Variants in ALYREF observed in about 807,000 individuals in gnomAD.
The protein encoded by ALYREF is Aly/REF export factor.
In ALYREF, 1 loss-of-function variant was observed where a neutral mutation model predicts 25.2. That is an observed-to-expected ratio of 0.04 (90% CI 0.01 to 0.19). ALYREF has a LOEUF of 0.19. ALYREF is among the 10% of genes least tolerant of loss of function. ALYREF has a pLI of 1.00. For synonymous variants in ALYREF, 193 were observed against 153.5 expected (o/e 1.26, Z -1.90); for missense variants, 328 against 375.6 (o/e 0.87, Z 1.05).
rs908388180 is a variant in ALYREF at position 81,887,961 on chromosome 17, A to G, written c.*170T>C. The stretch of plus-strand genomic sequence containing the variant: ...CAAAACAGGTCTGTTTCAGAATTAA[A>G]AAAAAAAAAAAAGAAAAAAAAAAAA... On this transcript the variant is annotated 3_prime_UTR_variant, in exon 6 of 6. Coordinates refer to ENST00000505490, the MANE Select transcript of ALYREF (RefSeq NM_005782.4). 4.1e-6 allele frequency: 3 copies of G among 733,368 alleles called. No homozygotes were observed. Among genetic ancestry groups the G allele is most frequent in the Non-Finnish European group, 6.0e-6 (3 of 500,044 alleles). The allele number at this position is 733,368 out of a possible 1,614,324, so 45.4% of individuals were successfully genotyped here. A position where few individuals can be genotyped will look rare whatever the true frequency, so the allele number is the denominator to read the frequency against.
chr17:81,888,906 A>G lies in ALYREF; in HGVS notation c.538+276T>C. 7.1e-7 allele frequency: 1 copy of G among 1,410,020 alleles called. No homozygotes were observed. Among genetic ancestry groups the G allele is most frequent in the Non-Finnish European group, 9.2e-7 (1 of 1,083,974 alleles). The allele number at this position is 1,410,020 out of a possible 1,614,324, so 87.3% of individuals were successfully genotyped here. ...TCTTTACGACTACAGCCCCGCACTCAGAGGTGTACTATGGCGGTTCTGAGA... is the reference window on the plus strand; with the variant it reads ...TCTTTACGACTACAGCCCCGCACTCGGAGGTGTACTATGGCGGTTCTGAGA... On this transcript the variant is annotated intron_variant, in intron 3 of 5. Coordinates refer to ENST00000505490, the MANE Select transcript of ALYREF (RefSeq NM_005782.4). This position sits in a 1 kb window ranked among gnomAD's most constrained non-coding sequence, Gnocchi z 5.8.
At chr17:81,890,980 A>G in intron 1 of ALYREF, 160 bp from the exon 2 acceptor site, 1 of 1,110,014 alleles carries the variant, frequency 9.0e-7, no homozygotes, top group Non-Finnish European at 1.3e-6. Flanking sequence ...CCCCAGCCCG[A>G]GGCCGCACGG....
chr17:81,889,937 C>CA (rs2039483637), intron 2 of ALYREF: 1 of 153,492 alleles, frequency 6.5e-6, no homozygotes, highest in Non-Finnish European at 1.5e-5. Flanking sequence ...TGGAGTTCAC[C>CA]AAAAGCGGTT....
In ALYREF at chr17:81,888,322, T is replaced by C. The variant is rs758207101; in HGVS notation, c.699A>G (p.Arg233=). Residue 233 remains arginine, a synonymous_variant, in exon 5 of 6, where the codon AGA becomes AGG. Transcript: ENST00000505490. This position sits in a 1 kb window ranked among gnomAD's most constrained non-coding sequence, Gnocchi z 5.8. ...RRGTRGGARG[R]GRGAGRNSKQ... ...TTGAATTCCTGCCGGCACCTCTGCC[T>C]CTTCCACGGGCGCCTCCGCGGGTGC... is the stretch of plus-strand genomic sequence containing the variant. 7.2e-5 allele frequency: 115 copies of C among 1,606,928 alleles called. No individual in the cohort carries two copies. The highest frequency in any genetic ancestry group is 9.1e-5 in the Non-Finnish European group (107 of 1,179,286).
rs1207660534 is a variant in ALYREF, at chr17:81,888,396, T to C, written c.625A>G (p.Arg209Gly). The change falls in exon 5 of 6, where the codon AGA (arginine) becomes GGA (glycine). Residue 209 changes from arginine to glycine, a missense_variant. By Grantham distance (125) the Arg-to-Gly change is moderately radical (BLOSUM62 -2). Around this residue, in one of 3 missense-constraint regions of ALYREF, gnomAD observed 108 missense variants for 110.5 expected, o/e 0.98. Transcript: ENST00000505490. The surrounding 1 kb of genome is among the most constrained non-coding windows in gnomAD (Gnocchi z 5.8). The stretch of plus-strand genomic sequence containing the variant: ...CCAAAACCTCCAGCGCCACGGTTTC[T>C]AGTCATGCCACCTCTGTTTACGCTA... The part of the protein sequence containing the change: ...AQSVNRGGMT[R>G]NRGAGGFGGG... 4 of 1,600,504 alleles carry C rather than the reference T, an allele frequency of 2.5e-6. No homozygotes were observed. Among genetic ancestry groups the C allele is most frequent in the Non-Finnish European group, 3.4e-6 (4 of 1,174,600 alleles).
At chr17:81,890,265 G>A (rs560875964) in intron 2 of ALYREF, among the ~76,000 whole-genome samples, 1 of 152,110 alleles carries the variant, frequency 6.6e-6, no homozygotes, top group African/African-American at 2.4e-5. Flanking sequence ...AGTACTCAAG[G>A]CAAACAGAGC....
chr17:81,891,005 CACA>C (rs1188891620), intron 1 of ALYREF, 185 bp from the exon 2 acceptor site: 8 of 905,082 alleles, frequency 8.8e-6, no homozygotes, highest in Non-Finnish European at 1.3e-5. Context: ...ACCGCGGCCG[CACA>C]ACTTCAGTTC....
Position 81,887,992 on chromosome 17 carries a change from A to T in ALYREF, c.*139T>A, listed in dbSNP as rs1276012356. ...AAAAAAAGAAAAAAAAAAAACCTTTACATGAGTTTTTAAATCCTATTTTAA... is the reference window on the plus strand; with the variant it reads ...AAAAAAAGAAAAAAAAAAAACCTTTTCATGAGTTTTTAAATCCTATTTTAA... On this transcript the variant is annotated 3_prime_UTR_variant, in exon 6 of 6. Coordinates refer to ENST00000505490, the MANE Select transcript of ALYREF (RefSeq NM_005782.4). 1 of 971,612 alleles carries T rather than the reference A, an allele frequency of 1.0e-6. No homozygotes were observed. The highest frequency in any genetic ancestry group is 1.5e-6 in the Non-Finnish European group (1 of 688,684). The allele number at this position is 971,612 out of a possible 1,614,324, so 60.2% of individuals were successfully genotyped here. A position where few individuals can be genotyped will look rare whatever the true frequency, so the allele number is the denominator to read the frequency against.
chr17:81,891,495 C>G lies in ALYREF; in HGVS notation c.86G>C (p.Gly29Ala). Residue 29 changes from glycine (G) to alanine (A), a missense_variant, in exon 1 of 6, where the codon GGC becomes GCC. Physicochemically the swap from Gly to Ala is moderately conservative, Grantham distance 60 (BLOSUM62 0). Around this residue, in one of 3 missense-constraint regions of ALYREF, gnomAD observed 150 missense variants for 135.3 expected, o/e 1.11. Coordinates refer to ENST00000505490, the MANE Select transcript of ALYREF (RefSeq NM_005782.4). ...GCCGCGGCCCCGGCCCCCGCCCCGG[C>G]CGCCTCGCTGGCTCCGGTTCAGTTT... ...IIKLNRSQRG[G>A]RGGGRGRGRA... 2.4e-6 allele frequency: 3 copies of G among 1,260,624 alleles called. No homozygotes were observed. The highest frequency in any genetic ancestry group is 1.7e-5 in the South Asian group (1 of 57,464). 78.1% of individuals were successfully genotyped at this position (1,260,624 alleles called of 1,614,324 possible).
chr17:81,890,629 C>G, intron 2 of ALYREF, 60 bp downstream of exon 2: 1 of 1,589,728 alleles, frequency 6.3e-7, no homozygotes, highest in Non-Finnish European at 8.5e-7. Context: ...GCCACATCCC[C>G]AAAATCACGA....
chr17:81,887,938 A>C lies in ALYREF; in HGVS notation c.*193T>G. On this transcript the variant is annotated 3_prime_UTR_variant, in exon 6 of 6. Coordinates refer to ENST00000505490, the MANE Select transcript of ALYREF (RefSeq NM_005782.4). ...TTTATCCCAAAAATAACTCGGTACA[A>C]AACAGGTCTGTTTCAGAATTAAAAA... The C allele has an allele frequency of 1.5e-6, 1 of 669,038 alleles. No individual in the cohort carries two copies. The highest frequency in any genetic ancestry group is 2.3e-6 in the Non-Finnish European group (1 of 427,374). The allele number at this position is 669,038 out of a possible 1,614,324, so 41.4% of individuals were successfully genotyped here.
At position 81,891,362 on chromosome 17, in the gene ALYREF, G is replaced by A; in HGVS notation, c.219C>T (p.Ala73=). 2.6e-6 allele frequency: 3 copies of A among 1,153,508 alleles called. No homozygotes were observed. Among genetic ancestry groups the A allele is most frequent in the South Asian group, 2.9e-5 (1 of 34,306 alleles). The allele number at this position is 1,153,508 out of a possible 1,614,324, so 71.5% of individuals were successfully genotyped here. A position where few individuals can be genotyped will look rare whatever the true frequency, so the allele number is the denominator to read the frequency against. The change falls in exon 1 of 6, where the codon GCC becomes GCT. Residue 73 remains alanine, a synonymous_variant. Coordinates refer to ENST00000505490, the MANE Select transcript of ALYREF (RefSeq NM_005782.4). ...RNRPAIARGA[A]GGGGRNRPAP... Reference sequence around the variant, plus strand: ...CCGGTCGGTTCCTGCCGCCTCCGCCGGCCGCGCCGCGGGCGATGGCCGGCC... The same window carrying A: ...CCGGTCGGTTCCTGCCGCCTCCGCCAGCCGCGCCGCGGGCGATGGCCGGCC...
Position 81,888,954 on chromosome 17 carries a change from C to G in ALYREF, c.538+228G>C. 7.1e-7 allele frequency: 1 copy of G among 1,416,064 alleles called. No individual in the cohort carries two copies. The allele number at this position is 1,416,064 out of a possible 1,614,324, so 87.7% of individuals were successfully genotyped here. On this transcript the variant is annotated intron_variant, in intron 3 of 5. Transcript: ENST00000505490. The surrounding 1 kb of genome is among the most constrained non-coding windows in gnomAD (Gnocchi z 5.8). ...AGAAGGCTTCACAGAAGTGAATCTT[C>G]CGGAAGGAGCTGAAGGAGGGGAGGG...
chr17:81,889,476 G>T (rs1012995003), intron 2 of ALYREF, 147 bp from the exon 3 acceptor site: 1 of 886,864 alleles, frequency 1.1e-6, no homozygotes, highest in Non-Finnish European at 1.7e-6. Flanking sequence ...AGGGAAGGGC[G>T]GGGCAGGAGG....
In ALYREF at chr17:81,888,626, C is replaced by A. The variant is rs778437877; in HGVS notation, c.539-43G>T. 2.6e-6 allele frequency: 4 copies of A among 1,561,102 alleles called. No individual in the cohort carries two copies. The East Asian group carries it at 9.4e-5, about 37-fold the overall frequency. ...AGAAGGCACGTTCTATTGAGAGGCTCTGAAACCCACCCAGCTGGCGCCACA... is the reference window on the plus strand; with the variant it reads ...AGAAGGCACGTTCTATTGAGAGGCTATGAAACCCACCCAGCTGGCGCCACA... On this transcript the variant is annotated intron_variant, in intron 3 of 5. Coordinates refer to ENST00000505490, the MANE Select transcript of ALYREF (RefSeq NM_005782.4). The surrounding 1 kb of genome is among the most constrained non-coding windows in gnomAD (Gnocchi z 5.8).
At chr17:81,890,417 T>C (rs2143495961) in intron 2 of ALYREF, among the ~76,000 whole-genome samples, 1 of 152,306 alleles carries the variant, frequency 6.6e-6, no homozygotes, top group East Asian at 1.9e-4. Context: ...TGGTCAGTCT[T>C]TGTCCCTGTT....
intron 2 of ALYREF, among the ~76,000 whole-genome samples, 197 bp downstream of exon 2, chr17:81,890,492 G>A (rs1028640655): frequency 1.3e-5 from 2 of 152,194 alleles, no homozygotes; most frequent in African/African-American, 4.8e-5. Context: ...AACAGCAGCA[G>A]TTCCTCAGGC....
At chr17:81,890,611 G>A (rs967696608) in intron 2 of ALYREF, 78 bp downstream of exon 2, 3 of 1,576,164 alleles carry the variant, frequency 1.9e-6, no homozygotes, top group East Asian at 2.2e-5. Flanking sequence ...GCGGGAAGGG[G>A]ACTCAGGGCC....
chr17:81,890,429 G>A (rs2039497500), intron 2 of ALYREF, among the ~76,000 whole-genome samples: 1 of 152,214 alleles, frequency 6.6e-6, no homozygotes, highest in African/African-American at 2.4e-5. Context: ...GTCCCTGTTA[G>A]AAACTGGAAG....
Sources: allele counts gnomAD v4.1 joint callset (sites outside exome capture counted in the v4.1 genomes callset), GRCh38; gene constraint gnomAD v4.1.1; regional missense constraint gnomAD v4.1.1; non-coding constraint Gnocchi (gnomAD v3.1); transcripts MANE v1.5; gene names NCBI Gene and HGNC (gene_info 2026-07-23, HGNC 2026-07-21).